The following LINC00305 variants were observed in gnomAD, a reference collection of about 807,000 sequenced individuals.
The protein encoded by LINC00305 is long intergenic non-protein coding RNA 305.
In LINC00305 at chr18:64,132,399, G is replaced by T. The variant is rs564696042; in HGVS notation, n.314+16376C>A. On this transcript the variant is annotated intron_variant and non_coding_transcript_variant, in intron 1 of 3. Transcript: ENST00000666468. ...TCTATATGTGTGTGATGATAAAAAG[G>T]GGTGCCTCATTATATTAATTATTTG... Among the ~76,000 whole-genome samples the T allele has an allele frequency of 1.2e-4, 18 of 152,202 alleles. No individual in the cohort carries two copies. In the South Asian group the frequency reaches 3.7e-3, roughly 32 times the overall value.
intron 1 of LINC00305, chr18:64,148,727 T>C (rs1291113399): frequency 2.0e-5 from 3 of 152,148 alleles, no homozygotes; most frequent in Non-Finnish European, 4.4e-5. Context: ...TGTTTTACTT[T>C]CTTTTTTTTC....
chr18:64,132,371 A>G (rs2051413470), intron 1 of LINC00305, among the ~76,000 whole-genome samples: 1 of 152,190 alleles, frequency 6.6e-6, no homozygotes, highest in Non-Finnish European at 1.5e-5. Context: ...TTGGTTCCTT[A>G]TGTCTATATG....
At chr18:64,099,930 T>C (rs1260644096) in intron 1 of LINC00305, among the ~76,000 whole-genome samples, 1 of 152,204 alleles carries the variant, frequency 6.6e-6, no homozygotes, top group Non-Finnish European at 1.5e-5. Flanking sequence ...TTCAAAGTTG[T>C]GCAAAGCTGT....
rs189516580 is a variant in LINC00305 at position 64,145,847 on chromosome 18, A to T, written n.314+2928T>A. Among the ~76,000 whole-genome samples, 5 of 152,306 alleles carry T rather than the reference A, an allele frequency of 3.3e-5. No individual in the cohort carries two copies. In the East Asian group the frequency reaches 9.6e-4, roughly 29 times the overall value. On this transcript the variant is annotated intron_variant and non_coding_transcript_variant, in intron 1 of 3. Coordinates refer to ENST00000666468, the Ensembl canonical transcript of LINC00305. ...GGCATAATCATATGCCTATATAATGATATACCCTCAAAGTTAGGTTAGCAG... is the reference window on the plus strand; with the variant it reads ...GGCATAATCATATGCCTATATAATGTTATACCCTCAAAGTTAGGTTAGCAG...
intron 1 of LINC00305, among the ~76,000 whole-genome samples, chr18:64,121,460 C>G (rs1341634518): frequency 6.6e-6 from 1 of 152,066 alleles, no homozygotes; most frequent in Non-Finnish European, 1.5e-5. Flanking sequence ...CTTTCTGTGT[C>G]TGACTTGCTT....
At position 64,138,698 on chromosome 18, in the gene LINC00305, T is replaced by C. The variant is rs555658079; in HGVS notation, n.314+10077A>G. On this transcript the variant is annotated intron_variant and non_coding_transcript_variant, in intron 1 of 3. Transcript: ENST00000666468. ...GCCTATTTTTTATTCAGCAGCGGGT[T>C]TGGTGCTTTTGTGGTTATTTTCTAA... 1.9e-3 allele frequency among the ~76,000 whole-genome samples: 289 copies of C among 152,298 alleles called. 2 individuals are homozygous for C. Among genetic ancestry groups the C allele is most frequent in the Non-Finnish European group, 3.2e-3 (221 of 68,022 alleles).
chr18:64,128,271 G>A (rs2051393984), intron 1 of LINC00305, among the ~76,000 whole-genome samples: 1 of 152,088 alleles, frequency 6.6e-6, no homozygotes, highest in Admixed American at 6.6e-5. Flanking sequence ...AAAGAGCCTA[G>A]CTATTCATCA....
At chr18:64,101,167 G>A (rs192906032) in intron 1 of LINC00305, among the ~76,000 whole-genome samples, 1 of 152,244 alleles carries the variant, frequency 6.6e-6, no homozygotes, top group East Asian at 1.9e-4. Flanking sequence ...CCTCAGTTCA[G>A]GACAGGGGAT....
At chr18:64,113,346 G>GTT (rs2051323508) in intron 1 of LINC00305, among the ~76,000 whole-genome samples, 1 of 152,202 alleles carries the variant, frequency 6.6e-6, no homozygotes, top group East Asian at 1.9e-4. Flanking sequence ...CAGAAAAAGA[G>GTT]ATTATTATCA....
intron 1 of LINC00305, among the ~76,000 whole-genome samples, chr18:64,133,330 G>A (rs530002292): frequency 1.3e-5 from 2 of 152,306 alleles, no homozygotes; most frequent in East Asian, 3.9e-4. Flanking sequence ...ACCAGAGGTG[G>A]ATGGAGAAGA....
intron 1 of LINC00305, chr18:64,147,419 A>G (rs1056064818): frequency 2.0e-5 from 3 of 152,146 alleles, no homozygotes; most frequent in Non-Finnish European, 4.4e-5. Context: ...TGTATGTAAC[A>G]CTTTCCCTAA....
intron 3 of LINC00305, among the ~76,000 whole-genome samples, chr18:64,091,659 C>T (rs1028513474): frequency 6.6e-6 from 1 of 152,172 alleles, no homozygotes; most frequent in East Asian, 1.9e-4. Flanking sequence ...TTGAATCAGA[C>T]CATTGGTCTG....
Position 64,107,309 on chromosome 18 carries a change from A to G in LINC00305, n.315-8669T>C, listed in dbSNP as rs1419737647. ...TGGTAGAGGCCATGTGCTACGAAAC[A>G]CTGGGGACATCTGCAGGAGACAGAA... On this transcript the variant is annotated intron_variant and non_coding_transcript_variant, in intron 1 of 3. Coordinates refer to ENST00000666468, the Ensembl canonical transcript of LINC00305. 2.0e-5 allele frequency among the ~76,000 whole-genome samples: 3 copies of G among 152,218 alleles called. No homozygotes were observed. In the East Asian group the frequency reaches 5.8e-4, roughly 29 times the overall value.
At chr18:64,144,508 A>C (rs1349663439) in intron 1 of LINC00305, among the ~76,000 whole-genome samples, 3 of 145,736 alleles carry the variant, frequency 2.1e-5, no homozygotes, top group Non-Finnish European at 4.6e-5. Context: ...GTACATTATT[A>C]ATGATTAATT....
At chr18:64,144,945 G>A (rs899147617) in intron 1 of LINC00305, among the ~76,000 whole-genome samples, 3 of 152,026 alleles carry the variant, frequency 2.0e-5, no homozygotes, top group East Asian at 1.9e-4. Context: ...GCCTATAAAC[G>A]GACACATGGG....
rs145094283 is a variant in LINC00305, at chr18:64,123,793, G to A, written n.314+24982C>T. Among the ~76,000 whole-genome samples, 29 of 152,148 alleles carry A rather than the reference G, an allele frequency of 1.9e-4. 1 individual carries two copies. In the East Asian group the frequency reaches 5.6e-3, roughly 29 times the overall value. On this transcript the variant is annotated intron_variant and non_coding_transcript_variant, in intron 1 of 3. Coordinates refer to ENST00000666468, the Ensembl canonical transcript of LINC00305. ...CTGGTAGGAGGTATTTGGGTCATGT[G>A]GGTGGATTAATTATGAAAAGATTAA...
intron 1 of LINC00305, among the ~76,000 whole-genome samples, chr18:64,131,154 G>T (rs541364499): frequency 9.2e-5 from 14 of 152,272 alleles, no homozygotes; most frequent in Non-Finnish European, 1.6e-4. Flanking sequence ...TTAAAAGATA[G>T]AAATAATACG....
intron 1 of LINC00305, among the ~76,000 whole-genome samples, chr18:64,145,487 A>G (rs920113064): frequency 2.6e-5 from 4 of 152,160 alleles, no homozygotes; most frequent in African/African-American, 9.7e-5. Flanking sequence ...GTGTGTGTCT[A>G]TTATTTCTCA....
chr18:64,110,628 G>GCCCC lies in LINC00305; in HGVS notation n.315-11989_315-11988insGGGG, dbSNP rs2051311247. ...AGAGGACTTGGGGATCTTCTTTTTGGAAGTGACTTAGCCTTGTCTGGATAT... is the reference window on the plus strand; with the variant it reads ...AGAGGACTTGGGGATCTTCTTTTTGGCCCCAAGTGACTTAGCCTTGTCTGGATAT... On this transcript the variant is annotated intron_variant and non_coding_transcript_variant, in intron 1 of 3. Transcript: ENST00000666468. 5.9e-5 allele frequency among the ~76,000 whole-genome samples: 9 copies of GCCCC among 152,218 alleles called. No individual in the cohort carries two copies. In the South Asian group the frequency reaches 1.2e-3, roughly 21 times the overall value.
Sources: gnomAD v4.1 joint callset for allele counts (sites outside exome capture counted in the v4.1 genomes callset) on GRCh38, gnomAD v4.1.1 for gene constraint, MANE v1.5 for transcripts, NCBI Gene and HGNC (gene_info 2026-07-23, HGNC 2026-07-21) for gene names.